ITPR3: variants seen among roughly 807,000 people sequenced by gnomAD.
ITPR3 encodes inositol 1,4,5-trisphosphate receptor type 3.
ITPR3 carries 173 observed loss-of-function variants against 293.2 expected under a neutral mutation model. That is an observed-to-expected ratio of 0.59 (90% confidence interval 0.52 to 0.67). ITPR3 has a LOEUF of 0.67. Among genes scored for constraint, ITPR3 ranks in the 30% least tolerant of loss-of-function variants. ITPR3 has a pLI of 0.00. For missense variants in ITPR3, 2,796 were observed against 3,592.1 expected (o/e 0.78, Z 5.66); for synonymous variants, 1,295 against 1,444.4 (o/e 0.90, Z 2.35).
intron 1 of ITPR3, among the ~76,000 whole-genome samples, chr6:33,634,355 C>G (rs1763766863): frequency 6.6e-6 from 1 of 152,156 alleles, no homozygotes; most frequent in Non-Finnish European, 1.5e-5. Context: ...CTTAGCATTC[C>G]CAGATGATGC....
At position 33,672,119 on chromosome 6, in the gene ITPR3, G is replaced by C; in HGVS notation, c.2819G>C (p.Ser940Thr). 6.2e-7 allele frequency: 1 copy of C among 1,614,024 alleles called. No homozygotes were observed. Among genetic ancestry groups the C allele is most frequent in the Non-Finnish European group, 8.5e-7 (1 of 1,179,982 alleles). The change falls in exon 22 of 58, where the codon AGC (serine) becomes ACC (threonine). Residue 940 changes from serine to threonine, a missense_variant. Physicochemically the swap from Ser to Thr is moderately conservative, Grantham distance 58. Transcript: ENST00000605930. The surrounding 1 kb of genome is among the most constrained non-coding windows in gnomAD (Gnocchi z 5.0). ...AAGCAGTCCGTCTTCAGTGCCCCCA[G>C]CCTGTCTGCTGGGGCCAGTGCTGCT... is the stretch of plus-strand genomic sequence containing the variant. ...SRKQSVFSAP[S>T]LSAGASAAEP...
chr6:33,640,712 G>C (rs1204272266), intron 2 of ITPR3, among the ~76,000 whole-genome samples, 158 bp downstream of exon 2: 1 of 152,228 alleles, frequency 6.6e-6, no homozygotes, highest in African/African-American at 2.4e-5. Flanking sequence ...CCCTTGGCTT[G>C]CACTGCTGCC....
chr6:33,674,373 T>G, intron 24 of ITPR3, 108 bp downstream of exon 24: 1 of 1,027,082 alleles, frequency 9.7e-7, no homozygotes, highest in Non-Finnish European at 1.5e-6. Context: ...CTCTCTGCCA[T>G]TCCCTCTGCA....
chr6:33,686,561 T>C, intron 43 of ITPR3, 42 bp downstream of exon 43: 3 of 1,368,500 alleles, frequency 2.2e-6, no homozygotes, highest in Admixed American at 1.7e-5. Flanking sequence ...GGTGTGCATG[T>C]GATGTGCATG....
rs1341140981 is a variant in ITPR3 at position 33,658,882 on chromosome 6, G to A, written c.528+54G>A. 3 of 1,608,516 alleles carry A rather than the reference G, an allele frequency of 1.9e-6. No individual in the cohort carries two copies. The highest frequency in any genetic ancestry group is 2.7e-5 in the African/African-American group (2 of 74,764). ...CTGGTGGAACTCCCGAGGGGCTTCTGTAGGGTCTTCGGTGTGGGGACTGGA... is the reference window on the plus strand; with the variant it reads ...CTGGTGGAACTCCCGAGGGGCTTCTATAGGGTCTTCGGTGTGGGGACTGGA... On this transcript the variant is annotated intron_variant, in intron 5 of 57. Coordinates refer to ENST00000605930, the MANE Select transcript of ITPR3 (RefSeq NM_002224.4). The surrounding 1 kb of genome is among the most constrained non-coding windows in gnomAD (Gnocchi z 6.1).
intron 7 of ITPR3, among the ~76,000 whole-genome samples, chr6:33,660,315 C>G (rs1196198960): frequency 1.3e-5 from 2 of 151,982 alleles, no homozygotes; most frequent in African/African-American, 2.4e-5. Context: ...GTGACAGGCC[C>G]GAGAGCAGCC....
intron 56 of ITPR3, chr6:33,694,701 A>T: frequency 1.8e-6 from 1 of 550,778 alleles, no homozygotes; most frequent in Admixed American, 3.4e-5. Context: ...TGCCTAACGG[A>T]AGTCAGCCTG....
rs537490726 is a variant in ITPR3, at chr6:33,621,646, C to T, written c.44C>T (p.Ser15Phe). The change falls in exon 1 of 58, where the codon TCC becomes TTC. Residue 15 changes from serine to phenylalanine, a missense_variant. Coordinates refer to ENST00000605930, the MANE Select transcript of ITPR3 (RefSeq NM_002224.4). This position sits in a 1 kb window ranked among gnomAD's most constrained non-coding sequence, Gnocchi z 7.7. ...TTTCTTCACATCGGGGACATCGTCT[C>T]CCTGTACGCCGAGGGCTCCGTCAAT... ...SSFLHIGDIV[S>F]LYAEGSVNGF... 3 of 1,610,628 alleles carry T rather than the reference C, an allele frequency of 1.9e-6. No homozygotes were observed. Among genetic ancestry groups the T allele is most frequent in the South Asian group, 2.2e-5 (2 of 90,374 alleles).
At chr6:33,686,822 G>A (rs1765245037) in intron 43 of ITPR3, among the ~76,000 whole-genome samples, 187 bp from the exon 44 acceptor site, 1 of 152,134 alleles carries the variant, frequency 6.6e-6, no homozygotes, top group African/African-American at 2.4e-5. Context: ...GGGGGTGAAG[G>A]CAAGCCTATG....
In ITPR3 at chr6:33,662,649, G is replaced by A; in HGVS notation, c.833G>A (p.Ser278Asn). Residue 278 changes from serine (S) to asparagine (N), a missense_variant, in exon 8 of 58, where the codon AGC becomes AAC. By Grantham distance (46) the Ser-to-Asn change is conservative. Transcript: ENST00000605930. ...CGCCAGTCTGCCACCTCGGCCACCA[G>A]CTCCAATGCTCTCTGGGAGGTGGAG... is the stretch of plus-strand genomic sequence containing the variant. ...TLRQSATSATSSNALWEVEVV... is the reference protein window; with the variant it reads ...TLRQSATSATNSNALWEVEVV... The A allele has an allele frequency of 6.2e-7, 1 of 1,609,218 alleles. No homozygotes were observed. Among genetic ancestry groups the A allele is most frequent in the Non-Finnish European group, 8.5e-7 (1 of 1,179,984 alleles).
At chr6:33,685,859 C>T in intron 41 of ITPR3, 32 bp downstream of exon 41, 1 of 1,549,202 alleles carries the variant, frequency 6.5e-7, no homozygotes, top group Non-Finnish European at 8.7e-7. Flanking sequence ...TGCCCCTTCC[C>T]CCGCTGGCCA....
chr6:33,677,422 C>A, intron 27 of ITPR3, 82 bp from the exon 28 acceptor site: 2 of 1,571,700 alleles, frequency 1.3e-6, no homozygotes, highest in Non-Finnish European at 1.7e-6. Context: ...CGGGTGCCAG[C>A]TGGAACTTGG....
chr6:33,689,386 ACTCAACATC>A lies in ITPR3; in HGVS notation c.6846_6854del (p.Asn2283_Leu2285del). ...TCTACTATCTGGGCATCGGGCCCAC[ACTCAACATC>A]CTGGGTGCCCTCAATGTGAGTGCCA... On this transcript the variant is annotated inframe_deletion, in exon 50 of 58. Coordinates refer to ENST00000605930, the MANE Select transcript of ITPR3 (RefSeq NM_002224.4). 1 of 1,610,736 alleles carries A rather than the reference ACTCAACATC, an allele frequency of 6.2e-7. No homozygotes were observed. Among genetic ancestry groups the A allele is most frequent in the Non-Finnish European group, 8.5e-7 (1 of 1,179,976 alleles).
At position 33,659,029 on chromosome 6, in the gene ITPR3, G is replaced by A. The variant is rs774177939; in HGVS notation, c.537G>A (p.Val179=). The A allele has an allele frequency of 2.5e-6, 4 of 1,613,994 alleles. No homozygotes were observed. Among genetic ancestry groups the A allele is most frequent in the African/African-American group, 1.3e-5 (1 of 74,914 alleles). The change falls in exon 6 of 58, where the codon GTG becomes GTA. Residue 179 remains valine (V), a synonymous_variant. Coordinates refer to ENST00000605930, the MANE Select transcript of ITPR3 (RefSeq NM_002224.4). ...CCCACCTGTCTGCTCAGGTGGTCGT[G>A]GGGGACAAGGTGATCCTGAATCCTG... ...KLRSNGDNVV[V]GDKVILNPVN...
rs1764800962 is a variant in ITPR3, at chr6:33,672,683, G to A, written c.2928+455G>A. Among the ~76,000 whole-genome samples the A allele has an allele frequency of 6.6e-6, 1 of 152,240 alleles. No homozygotes were observed. Among genetic ancestry groups the A allele is most frequent in the Non-Finnish European group, 1.5e-5 (1 of 68,040 alleles). On this transcript the variant is annotated intron_variant, in intron 22 of 57. Coordinates refer to ENST00000605930, the MANE Select transcript of ITPR3 (RefSeq NM_002224.4). The surrounding 1 kb of genome is among the most constrained non-coding windows in gnomAD (Gnocchi z 5.0). ...CTGTGTTGTGACAAACCCTCCAGGT[G>A]ATTCTGAGGTGCACTGAAGTCTAGT...
At position 33,667,109 on chromosome 6, in the gene ITPR3, C is replaced by T. The variant is rs774435497; in HGVS notation, c.1552-20C>T. The T allele has an allele frequency of 4.3e-6, 7 of 1,611,552 alleles. No individual in the cohort carries two copies. The highest frequency in any genetic ancestry group is 5.9e-6 in the Non-Finnish European group (7 of 1,178,574). On this transcript the variant is annotated intron_variant, in intron 14 of 57. Coordinates refer to ENST00000605930, the MANE Select transcript of ITPR3 (RefSeq NM_002224.4). The surrounding 1 kb of genome is among the most constrained non-coding windows in gnomAD (Gnocchi z 4.4). The stretch of plus-strand genomic sequence containing the variant: ...AGACAGGTGTTGGGGAATCAGTCCT[C>T]ACCCTCTGTATTCCCCCAGGTCTTT...
In ITPR3 at chr6:33,691,169, T is replaced by G; in HGVS notation, c.7225+60T>G. 1 of 1,553,774 alleles carries G rather than the reference T, an allele frequency of 6.4e-7. No homozygotes were observed. Among genetic ancestry groups the G allele is most frequent in the African/African-American group, 1.4e-5 (1 of 73,572 alleles). On this transcript the variant is annotated intron_variant, in intron 52 of 57. Transcript: ENST00000605930. This position sits in a 1 kb window ranked among gnomAD's most constrained non-coding sequence, Gnocchi z 4.9. Reference sequence around the variant, plus strand: ...GGAATGAGGTTGGGTCTCACAAATGTCTGGCGTCAGGACCAGGACCTGCAG... The same window carrying G: ...GGAATGAGGTTGGGTCTCACAAATGGCTGGCGTCAGGACCAGGACCTGCAG...
intron 1 of ITPR3, among the ~76,000 whole-genome samples, chr6:33,625,214 A>G (rs1047830429): frequency 3.3e-5 from 5 of 151,598 alleles, no homozygotes; most frequent in African/African-American, 9.7e-5. Context: ...CAGGATCTCA[A>G]GTCATCTCTT....
In ITPR3 at chr6:33,621,762, C is replaced by G. The variant is rs1763442218; in HGVS notation, c.89+71C>G. ...CGTGGGCCCTGGTGCCAGCTGCGTGCGTCCAGCCGCCGCCCCCCGATAGAG... is the reference window on the plus strand; with the variant it reads ...CGTGGGCCCTGGTGCCAGCTGCGTGGGTCCAGCCGCCGCCCCCCGATAGAG... On this transcript the variant is annotated intron_variant, in intron 1 of 57. Coordinates refer to ENST00000605930, the MANE Select transcript of ITPR3 (RefSeq NM_002224.4). The surrounding 1 kb of genome is among the most constrained non-coding windows in gnomAD (Gnocchi z 7.7). 8.5e-7 allele frequency: 1 copy of G among 1,178,812 alleles called. No individual in the cohort carries two copies. Among genetic ancestry groups the G allele is most frequent in the South Asian group, 1.3e-5 (1 of 74,970 alleles). 73.0% of individuals were successfully genotyped at this position (1,178,812 alleles called of 1,614,324 possible). A position where few individuals can be genotyped will look rare whatever the true frequency, so the allele number is the denominator to read the frequency against.
Sources: allele counts gnomAD v4.1 joint callset (sites outside exome capture counted in the v4.1 genomes callset), GRCh38; gene constraint gnomAD v4.1.1; non-coding constraint Gnocchi (gnomAD v3.1); transcripts MANE v1.5; gene names NCBI Gene and HGNC (gene_info 2026-07-23, HGNC 2026-07-21).